Variants in DNAJC13 observed in about 807,000 individuals in gnomAD.
DNAJC13 encodes the protein DnaJ heat shock protein family (Hsp40) member C13.
DNAJC13 carries 75 observed loss-of-function variants against 290.5 expected under a neutral mutation model. The observed-to-expected ratio is 0.26, with a 90% CI of 0.21 to 0.31. The LOEUF (loss-of-function observed/expected upper bound fraction) is 0.31, where lower values mean the gene tolerates loss of function less well. DNAJC13 is among the 10% of genes least tolerant of loss of function. The pLI is 1.00. For synonymous variants in DNAJC13, 862 were observed against 892.0 expected, an observed-to-expected ratio of 0.97 and a Z score of 0.60; for missense variants, 2,260 against 2,674.5, an observed-to-expected ratio of 0.85 and a Z score of 3.42.
At chr3:132,507,768 C>T (rs148073288) in intron 43 of DNAJC13, among the ~76,000 whole-genome samples, 13 of 152,270 alleles carry the variant, frequency 8.5e-5, no homozygotes, top group African/African-American at 2.9e-4. Context: ...TCTCCTCTGG[C>T]CTCCCTATTC....
intron 52 of DNAJC13, 63 bp from the exon 53 acceptor site, chr3:132,526,078 G>T: frequency 1.3e-6 from 2 of 1,566,496 alleles, no homozygotes; most frequent in Non-Finnish European, 8.7e-7. Flanking sequence ...ATTTTGTTAT[G>T]GTATTTACTA....
intron 36 of DNAJC13, among the ~76,000 whole-genome samples, chr3:132,496,905 G>A (rs1442616033): frequency 6.6e-6 from 1 of 152,050 alleles, no homozygotes; most frequent in Admixed American, 6.5e-5. Flanking sequence ...TGACATCTTC[G>A]CTCTGTGGAG....
chr3:132,483,898 G>A (rs570300717), intron 28 of DNAJC13, among the ~76,000 whole-genome samples: 1 of 152,214 alleles, frequency 6.6e-6, no homozygotes, highest in South Asian at 2.1e-4. Flanking sequence ...GTGAATGCCA[G>A]CTGTTGATCT....
intron 2 of DNAJC13, among the ~76,000 whole-genome samples, chr3:132,444,756 A>G (rs1386481007): frequency 6.6e-6 from 1 of 152,188 alleles, no homozygotes; most frequent in East Asian, 1.9e-4. Context: ...TTAATTGATT[A>G]AGCCTTTGAA....
intron 36 of DNAJC13, 137 bp downstream of exon 36, chr3:132,496,800 T>G: frequency 2.3e-6 from 2 of 874,038 alleles, no homozygotes; most frequent in Non-Finnish European, 3.1e-6. Flanking sequence ...GAATTATGTT[T>G]TAAATAAAGG....
chr3:132,428,285 A>G (rs148545337), intron 1 of DNAJC13, among the ~76,000 whole-genome samples: 668 of 152,372 alleles, frequency 4.4e-3, no homozygotes, highest in Admixed American at 0.011. Context: ...GTGGTCTAAA[A>G]GAGTTAATGC....
At chr3:132,499,847 G>T in intron 38 of DNAJC13, 39 bp downstream of exon 38, 1 of 1,558,674 alleles carries the variant, frequency 6.4e-7, no homozygotes, top group Non-Finnish European at 8.8e-7. Flanking sequence ...AATTGCACTA[G>T]TTCAATGGTT....
At position 132,499,115 on chromosome 3, in the gene DNAJC13, G is replaced by A; in HGVS notation, c.4157-11G>A. 6.4e-7 allele frequency: 1 copy of A among 1,564,552 alleles called. No individual in the cohort carries two copies. The highest frequency in any genetic ancestry group is 8.7e-7 in the Non-Finnish European group (1 of 1,149,802). On this transcript the variant is annotated splice_polypyrimidine_tract_variant and intron_variant, in intron 36 of 55. Coordinates refer to ENST00000260818, the MANE Select transcript of DNAJC13 (RefSeq NM_015268.4). ...TTTTGTTTTTCTAACACTAACCATT[G>A]GTTATTTCAGATTTACAGCCTTATA...
chr3:132,523,208 T>C lies in DNAJC13; in HGVS notation c.5886+9T>C, dbSNP rs749746379. The C allele has an allele frequency of 2.5e-5, 41 of 1,613,212 alleles. No homozygotes were observed. The highest frequency in any genetic ancestry group is 1.7e-4 in the Middle Eastern group (1 of 6,058). ...CTGAGGCAAACTGGAAGGTAAAATA[T>C]ACTTTTATTTTACATCTTATTTTCT... On this transcript the variant is annotated intron_variant, in intron 50 of 55. Transcript: ENST00000260818.
At chr3:132,511,032 C>A (rs1174274673) in intron 43 of DNAJC13, 35 bp from the exon 44 acceptor site, 1 of 1,600,112 alleles carries the variant, frequency 6.2e-7, no homozygotes, top group East Asian at 2.2e-5. Context: ...TCTTAGGGCA[C>A]CCATGTTGTT....
chr3:132,452,109 A>G (rs1483978601), intron 6 of DNAJC13, among the ~76,000 whole-genome samples: 3 of 152,238 alleles, frequency 2.0e-5, no homozygotes, highest in Admixed American at 2.0e-4. Flanking sequence ...TTACAAGAAT[A>G]TGGCCTGTCA....
rs10663131 is a variant in DNAJC13 at position 132,487,559 on chromosome 3, A to ATTTTTTTTTTTTTTTTTTTTTTTTTTTTT, written c.3268-719_3268-718insTTTTTTTTTTTTTTTTTTTTTTTTTTTTT. Among the ~76,000 whole-genome samples, 35 of 110,430 alleles carry ATTTTTTTTTTTTTTTTTTTTTTTTTTTTT rather than the reference A, an allele frequency of 3.2e-4. 8 individuals carry two copies. The highest frequency in any genetic ancestry group is 1.8e-3 in the African/African-American group (34 of 18,776). The allele number at this position is 110,430 out of a possible 152,430, so 72.4% of individuals were successfully genotyped here. A position where few individuals can be genotyped will look rare whatever the true frequency, so the allele number is the denominator to read the frequency against. On this transcript the variant is annotated intron_variant, in intron 29 of 55. Transcript: ENST00000260818. ...GCGTGAGCCACCATGCCTGGCTGTA[A>ATTTTTTTTTTTTTTTTTTTTTTTTTTTTT]TTTTTTTTTTTTTTTTTTTTACTGG... is the stretch of plus-strand genomic sequence containing the variant.
rs758332761 is a variant in DNAJC13 at position 132,480,442 on chromosome 3, A to G, written c.2846A>G (p.His949Arg). The G allele has an allele frequency of 6.2e-7, 1 of 1,613,022 alleles. No homozygotes were observed. The highest frequency in any genetic ancestry group is 2.2e-5 in the East Asian group (1 of 44,842). Residue 949 changes from histidine to arginine, a missense_variant, in exon 26 of 56, where the codon CAT becomes CGT. His to Arg is a conservative substitution (Grantham distance 29, BLOSUM62 0). Coordinates refer to ENST00000260818, the MANE Select transcript of DNAJC13 (RefSeq NM_015268.4). ...GACTTGCTTACCCTTGCACATCTCC[A>G]TGTAAGCCGAGCTACAGTACCACTG... ...LVDLLTLAHL[H>R]VSRATVPLQS...
At chr3:132,515,332 T>C (rs1935888290) in intron 46 of DNAJC13, among the ~76,000 whole-genome samples, 1 of 152,192 alleles carries the variant, frequency 6.6e-6, no homozygotes, top group African/African-American at 2.4e-5. Context: ...CTAGAATTCA[T>C]GTCTGTCCAC....
At chr3:132,512,048 A>G (rs772384852) in intron 44 of DNAJC13, among the ~76,000 whole-genome samples, 19 of 152,184 alleles carry the variant, frequency 1.2e-4, no homozygotes, top group Non-Finnish European at 2.4e-4. Context: ...GGATGTTATT[A>G]AAGACAGTGT....
At chr3:132,452,435 C>T (rs1933446216) in intron 6 of DNAJC13, among the ~76,000 whole-genome samples, 2 of 152,138 alleles carry the variant, frequency 1.3e-5, no homozygotes, top group Admixed American at 1.3e-4. Flanking sequence ...CGATGTGATC[C>T]AGTGTTTCTC....
rs1319606254 is a variant in DNAJC13, at chr3:132,511,014, G to A, written c.5116-53G>A. ...GCTTAAAGTTCTTTCTTTTGCTATG[G>A]AGTTATTTCTTAGGGCACCCATGTT... On this transcript the variant is annotated intron_variant, in intron 43 of 55. Transcript: ENST00000260818. 11 of 1,575,094 alleles carry A rather than the reference G, an allele frequency of 7.0e-6. No homozygotes were observed. The Admixed American group carries it at 1.6e-4, about 23-fold the overall frequency.
intron 2 of DNAJC13, among the ~76,000 whole-genome samples, chr3:132,439,361 A>G (rs1932971500): frequency 6.6e-6 from 1 of 152,018 alleles, no homozygotes; most frequent in South Asian, 2.1e-4. Flanking sequence ...GAGAAAAGAT[A>G]TCTTTTTCTT....
chr3:132,439,893 C>T (rs1192183824), intron 2 of DNAJC13, among the ~76,000 whole-genome samples: 1 of 152,132 alleles, frequency 6.6e-6, no homozygotes, highest in Admixed American at 6.5e-5. Context: ...ACAGAGTATC[C>T]TGGCAATACA....
Sources: gnomAD v4.1 joint callset for allele counts (sites outside exome capture counted in the v4.1 genomes callset) on GRCh38, gnomAD v4.1.1 for gene constraint, MANE v1.5 for transcripts, NCBI Gene and HGNC (gene_info 2026-07-23, HGNC 2026-07-21) for gene names.